Variants in RSPO2 observed in about 807,000 individuals in gnomAD.
RSPO2 encodes R-spondin-2.
RSPO2 carries 14 observed loss-of-function variants against 30.9 expected under a neutral mutation model. That is an observed-to-expected ratio of 0.45 (90% CI 0.30 to 0.71). RSPO2 has a LOEUF of 0.71. Among genes scored for constraint, RSPO2 ranks in the 30% least tolerant of loss-of-function variants. The probability of loss-of-function intolerance (pLI) is 0.08; values close to 1 mark genes in which losing one functional copy is unlikely to be tolerated. For missense variants in RSPO2, 264 were observed against 301.9 expected, an observed-to-expected ratio of 0.87 and a Z score of 0.93; for synonymous variants, 107 against 96.4, an observed-to-expected ratio of 1.11 and a Z score of -0.64.
At chr8:108,073,615 T>C (rs1382963808) in intron 2 of RSPO2, among the ~76,000 whole-genome samples, 3 of 152,206 alleles carry the variant, frequency 2.0e-5, no homozygotes, top group African/African-American at 7.2e-5. Flanking sequence ...TAAAACTATA[T>C]ATTAACTGTT....
At chr8:107,962,591 T>A (rs557578874) in intron 3 of RSPO2, among the ~76,000 whole-genome samples, 1 of 152,176 alleles carries the variant, frequency 6.6e-6, no homozygotes, top group Non-Finnish European at 1.5e-5. Context: ...CTGTAACCTA[T>A]ATTTTAATAA....
chr8:107,934,369 C>T (rs929000004), intron 5 of RSPO2, among the ~76,000 whole-genome samples: 1 of 88,622 alleles, frequency 1.1e-5, no homozygotes, highest in African/African-American at 4.0e-5. Context: ...CTTCTCATTT[C>T]CCTTTTTTTT....
chr8:107,991,598 G>A (rs1427961167), intron 2 of RSPO2, among the ~76,000 whole-genome samples: 1 of 152,092 alleles, frequency 6.6e-6, no homozygotes, highest in Non-Finnish European at 1.5e-5. Context: ...AATATCATCA[G>A]ACTGAACAGG....
chr8:108,017,998 A>C (rs1810948155), intron 2 of RSPO2, among the ~76,000 whole-genome samples: 1 of 152,214 alleles, frequency 6.6e-6, no homozygotes. Context: ...CAGTCTACAG[A>C]ATCTTGCATC....
intron 2 of RSPO2, among the ~76,000 whole-genome samples, chr8:107,999,491 G>C (rs1815153604): frequency 1.3e-5 from 2 of 152,180 alleles, no homozygotes; most frequent in Non-Finnish European, 2.9e-5. Context: ...TTGGAGCGCA[G>C]TGGCACTATG....
At position 107,947,716 on chromosome 8, in the gene RSPO2, C is replaced by T. The variant is rs372851277; in HGVS notation, c.616+10364G>A. Among the ~76,000 whole-genome samples the T allele has an allele frequency of 1.1e-4, 17 of 152,332 alleles. No individual in the cohort carries two copies. The East Asian group carries it at 3.3e-3, about 29-fold the overall frequency. On this transcript the variant is annotated intron_variant, in intron 5 of 5. Coordinates refer to ENST00000276659, the MANE Select transcript of RSPO2 (RefSeq NM_178565.5). The stretch of plus-strand genomic sequence containing the variant: ...ACACCATTTCAGTCACTTCCATCTT[C>T]AGTCAGCTTTCTACTGAAACACCTT...
chr8:108,054,698 C>T (rs916784288), intron 2 of RSPO2, among the ~76,000 whole-genome samples: 3 of 152,176 alleles, frequency 2.0e-5, no homozygotes, highest in East Asian at 1.9e-4. Flanking sequence ...ATAAGTGAGG[C>T]GCCTAGCATG....
chr8:108,062,980 T>G (rs937804015), intron 2 of RSPO2, among the ~76,000 whole-genome samples: 1 of 151,806 alleles, frequency 6.6e-6, no homozygotes, highest in Non-Finnish European at 1.5e-5. Context: ...AAAATTCAAC[T>G]GCCCTTCATG....
At chr8:107,986,994 G>A (rs1814664972) in intron 3 of RSPO2, among the ~76,000 whole-genome samples, 1 of 152,180 alleles carries the variant, frequency 6.6e-6, no homozygotes, top group Non-Finnish European at 1.5e-5. Context: ...TCTACAACTG[G>A]TGGGGAGTTG....
intron 5 of RSPO2, among the ~76,000 whole-genome samples, chr8:107,922,664 C>G (rs184810659): frequency 1.5e-3 from 222 of 152,194 alleles, no homozygotes; most frequent in African/African-American, 5.2e-3. Flanking sequence ...AAGAACAAAG[C>G]TGGAGGCATC....
chr8:107,978,891 A>C (rs1422566494), intron 3 of RSPO2, among the ~76,000 whole-genome samples: 1 of 152,222 alleles, frequency 6.6e-6, no homozygotes, highest in African/African-American at 2.4e-5. Flanking sequence ...GACACTTCTC[A>C]AAAGAAGACA....
At chr8:107,983,090 C>T in intron 3 of RSPO2, 2 of 1,369,230 alleles carry the variant, frequency 1.5e-6, no homozygotes, top group Admixed American at 4.4e-5. Flanking sequence ...ACTCCCCTTC[C>T]TAAGGCCGCC....
intron 3 of RSPO2, among the ~76,000 whole-genome samples, chr8:107,987,611 C>T (rs1379475684): frequency 6.6e-6 from 1 of 152,184 alleles, no homozygotes; most frequent in East Asian, 1.9e-4. Context: ...CACTAAATGT[C>T]CAGCAATGTA....
intron 5 of RSPO2, among the ~76,000 whole-genome samples, chr8:107,924,836 A>G (rs1193270899): frequency 6.6e-6 from 1 of 151,724 alleles, no homozygotes; most frequent in Non-Finnish European, 1.5e-5. Context: ...ACACACACAC[A>G]CACACACACA....
intron 2 of RSPO2, among the ~76,000 whole-genome samples, chr8:108,030,706 G>A (rs1811393052): frequency 6.6e-6 from 1 of 152,164 alleles, no homozygotes; most frequent in Non-Finnish European, 1.5e-5. Flanking sequence ...GAAGTCAGTG[G>A]GTCCAGGGGT....
At position 107,901,029 on chromosome 8, in the gene RSPO2, C is replaced by T. The variant is rs756747016; in HGVS notation, c.*46G>A. 1 of 1,604,854 alleles carries T rather than the reference C, an allele frequency of 6.2e-7. No homozygotes were observed. The highest frequency in any genetic ancestry group is 1.1e-5 in the South Asian group (1 of 89,776). On this transcript the variant is annotated 3_prime_UTR_variant, in exon 6 of 6. Transcript: ENST00000276659. ...CAGGAGTGGAGAGTAGCTTTGTGCA[C>T]ATTTGCAAAAACAAAAACCCCTAAA...
At chr8:107,949,526 AT>A (rs1445157535) in intron 5 of RSPO2, among the ~76,000 whole-genome samples, 1 of 152,182 alleles carries the variant, frequency 6.6e-6, no homozygotes, top group Non-Finnish European at 1.5e-5. Flanking sequence ...ATTCACCAAA[AT>A]AGCCTACTGG....
At chr8:107,961,918 C>T (rs1189614860) in intron 3 of RSPO2, among the ~76,000 whole-genome samples, 1 of 152,136 alleles carries the variant, frequency 6.6e-6, no homozygotes, top group Admixed American at 6.5e-5. Flanking sequence ...ACATCTGGGC[C>T]AGAAATCCTT....
intron 2 of RSPO2, among the ~76,000 whole-genome samples, chr8:108,059,440 G>C (rs1418420484): frequency 1.3e-5 from 2 of 151,634 alleles, no homozygotes; most frequent in South Asian, 2.1e-4. Flanking sequence ...GGAAGTCAGT[G>C]TGGCGATTCC....
Sources: allele counts gnomAD v4.1 joint callset (sites outside exome capture counted in the v4.1 genomes callset), GRCh38; gene constraint gnomAD v4.1.1; transcripts MANE v1.5; gene names NCBI Gene and HGNC (gene_info 2026-07-23, HGNC 2026-07-21).